CDYL2: variants seen among roughly 807,000 people sequenced by gnomAD.
CDYL2 encodes the protein chromodomain Y like 2.
A neutral mutation model predicts 49.4 loss-of-function variants in CDYL2; 23 were observed. That is an observed-to-expected ratio of 0.47 (90% CI 0.34 to 0.66). CDYL2 has a LOEUF of 0.66. Ranked by LOEUF, CDYL2 falls within the 30% of genes least tolerant of loss-of-function variation. The probability of loss-of-function intolerance (pLI) is 0.01; values close to 1 mark genes in which losing one functional copy is unlikely to be tolerated. For missense variants in CDYL2, 678 were observed against 656.4 expected (o/e 1.03, Z -0.36); for synonymous variants, 360 against 268.8 (o/e 1.34, Z -3.32).
At chr16:80,698,893 T>C (rs984223092) in intron 1 of CDYL2, among the ~76,000 whole-genome samples, 3 of 151,944 alleles carry the variant, frequency 2.0e-5, no homozygotes, top group Admixed American at 6.6e-5. Context: ...GAGAATGAAC[T>C]AATACAATAT....
chr16:80,632,751 C>G lies in CDYL2; in HGVS notation c.834+268G>C, dbSNP rs1907622292. The G allele has an allele frequency of 7.2e-6, 3 of 415,256 alleles. No homozygotes were observed. The South Asian group carries it at 9.6e-5, about 13-fold the overall frequency. 25.7% of individuals were successfully genotyped at this position (415,256 alleles called of 1,614,324 possible). A position where few individuals can be genotyped will look rare whatever the true frequency, so the allele number is the denominator to read the frequency against. ...TTTGGATTCTGGGTCTGCCCCTTGG[C>G]TAAGTCTGTGTCCACGATCAGTTCA... is the stretch of plus-strand genomic sequence containing the variant. On this transcript the variant is annotated intron_variant, in intron 3 of 6. Coordinates refer to ENST00000570137, the MANE Select transcript of CDYL2 (RefSeq NM_152342.4).
intron 2 of CDYL2, among the ~76,000 whole-genome samples, chr16:80,659,613 T>C (rs1051234381): frequency 2.0e-5 from 3 of 151,842 alleles, no homozygotes; most frequent in African/African-American, 7.3e-5. Context: ...ATATTATAAA[T>C]ATGTGTGTCT....
intron 2 of CDYL2, among the ~76,000 whole-genome samples, chr16:80,682,100 G>C (rs1052327106): frequency 1.3e-5 from 2 of 152,178 alleles, no homozygotes; most frequent in African/African-American, 2.4e-5. Flanking sequence ...CATGGGATCT[G>C]CATCTCTCAT....
intron 6 of CDYL2, 42 bp from the exon 7 acceptor site, chr16:80,604,588 A>T: frequency 6.2e-7 from 1 of 1,609,246 alleles, no homozygotes. Flanking sequence ...GGCACCAGGG[A>T]CTCTGCTCCA....
Position 80,744,899 on chromosome 16 carries a change from A to G in CDYL2, c.24+59251T>C, listed in dbSNP as rs113001495. 5.0e-4 allele frequency among the ~76,000 whole-genome samples: 76 copies of G among 152,306 alleles called. 1 individual carries two copies. Among genetic ancestry groups the G allele is most frequent in the African/African-American group, 1.6e-3 (65 of 41,570 alleles). ...CTGCAGTGAGCTCTGCAAGCCTAGC[A>G]GTAGGAACCAGTGCCACTGAGCCAC... On this transcript the variant is annotated intron_variant, in intron 1 of 6. Coordinates refer to ENST00000570137, the MANE Select transcript of CDYL2 (RefSeq NM_152342.4).
intron 1 of CDYL2, among the ~76,000 whole-genome samples, chr16:80,696,046 T>C (rs1272581932): frequency 6.6e-6 from 1 of 152,222 alleles, no homozygotes; most frequent in Non-Finnish European, 1.5e-5. Flanking sequence ...TCATATCAAT[T>C]ATCTTTTCTG....
intron 1 of CDYL2, among the ~76,000 whole-genome samples, chr16:80,730,254 A>C (rs1905282363): frequency 6.6e-6 from 1 of 152,226 alleles, no homozygotes; most frequent in South Asian, 2.1e-4. Context: ...ATGCAATAAA[A>C]AATGATAAAG....
intron 1 of CDYL2, among the ~76,000 whole-genome samples, chr16:80,753,133 G>A (rs765433093): frequency 3.3e-5 from 5 of 152,022 alleles, no homozygotes; most frequent in Non-Finnish European, 5.9e-5. Flanking sequence ...TGGTAAAATT[G>A]TAATTTACAC....
intron 1 of CDYL2, among the ~76,000 whole-genome samples, chr16:80,714,609 T>C (rs935972161): frequency 6.6e-6 from 1 of 152,168 alleles, no homozygotes; most frequent in Admixed American, 6.5e-5. Flanking sequence ...CCACAAGTTA[T>C]GGTCACCTCA....
intron 1 of CDYL2, among the ~76,000 whole-genome samples, chr16:80,782,511 A>C (rs1243830389): frequency 6.7e-6 from 1 of 149,936 alleles, no homozygotes; most frequent in Non-Finnish European, 1.5e-5. Context: ...AACTGATCCC[A>C]AAGCCAAAGA....
chr16:80,689,253 G>A (rs1477011924), intron 1 of CDYL2, among the ~76,000 whole-genome samples: 4 of 152,162 alleles, frequency 2.6e-5, no homozygotes, highest in Non-Finnish European at 4.4e-5. Flanking sequence ...TATTGCAGGT[G>A]GCAGGCAGGG....
At chr16:80,690,518 G>C (rs941231285) in intron 1 of CDYL2, among the ~76,000 whole-genome samples, 8 of 152,154 alleles carry the variant, frequency 5.3e-5, no homozygotes, top group African/African-American at 1.9e-4. Flanking sequence ...TTTTTATATA[G>C]AGGATAAAAC....
chr16:80,761,002 C>T lies in CDYL2; in HGVS notation c.24+43148G>A, dbSNP rs144018792. Among the ~76,000 whole-genome samples the T allele has an allele frequency of 4.6e-5, 7 of 152,208 alleles. 1 individual carries two copies. In the South Asian group the frequency reaches 1.0e-3, roughly 23 times the overall value. Reference sequence around the variant, plus strand: ...GGCAGTGAAGGTGATGGCAACCAAACGGACAATGTGCAATAGACTTCAGAA... The same window carrying T: ...GGCAGTGAAGGTGATGGCAACCAAATGGACAATGTGCAATAGACTTCAGAA... On this transcript the variant is annotated intron_variant, in intron 1 of 6. Coordinates refer to ENST00000570137, the MANE Select transcript of CDYL2 (RefSeq NM_152342.4).
At chr16:80,656,768 C>T (rs1000125863) in intron 2 of CDYL2, among the ~76,000 whole-genome samples, 1 of 152,036 alleles carries the variant, frequency 6.6e-6, no homozygotes, top group Non-Finnish European at 1.5e-5. Context: ...ATCATCTCTG[C>T]GTATGAGAGG....
Position 80,604,610 on chromosome 16 carries a change from C to A in CDYL2, c.1363-64G>T, listed in dbSNP as rs1906250437. On this transcript the variant is annotated intron_variant, in intron 6 of 6. Coordinates refer to ENST00000570137, the MANE Select transcript of CDYL2 (RefSeq NM_152342.4). ...GGGACTCTGCTCCAGAACTAGGTAC[C>A]TGGCCCATGGGGCACTGGCCAACCT... The A allele has an allele frequency of 8.9e-6, 14 of 1,581,830 alleles. No homozygotes were observed. The South Asian group carries it at 1.3e-4, about 15-fold the overall frequency.
intron 1 of CDYL2, among the ~76,000 whole-genome samples, chr16:80,770,829 C>A (rs1906880972): frequency 6.6e-6 from 1 of 151,982 alleles, no homozygotes; most frequent in Non-Finnish European, 1.5e-5. Context: ...TTGTCTCATT[C>A]TTAAAAAAGT....
At chr16:80,751,822 A>G (rs1308977739) in intron 1 of CDYL2, among the ~76,000 whole-genome samples, 1 of 152,204 alleles carries the variant, frequency 6.6e-6, no homozygotes, top group Middle Eastern at 3.2e-3. Context: ...GAACCTTACA[A>G]AGACTGAAAA....
intron 1 of CDYL2, among the ~76,000 whole-genome samples, chr16:80,794,003 T>C (rs538852914): frequency 6.6e-6 from 1 of 152,236 alleles, no homozygotes; most frequent in Non-Finnish European, 1.5e-5. Flanking sequence ...CGGGTGTGGT[T>C]TGACCATCTT....
At chr16:80,784,539 A>T (rs948421603) in intron 1 of CDYL2, among the ~76,000 whole-genome samples, 2 of 152,198 alleles carry the variant, frequency 1.3e-5, no homozygotes, top group African/African-American at 4.8e-5. Flanking sequence ...CATGAGAGAA[A>T]ACCAGAAGGG....
Sources: allele counts gnomAD v4.1 joint callset (sites outside exome capture counted in the v4.1 genomes callset), GRCh38; gene constraint gnomAD v4.1.1; transcripts MANE v1.5; gene names NCBI Gene and HGNC (gene_info 2026-07-23, HGNC 2026-07-21).